Variants in NEK6 observed in about 807,000 individuals in gnomAD.
NEK6 encodes the protein NIMA related kinase 6, also known as serine/threonine-protein kinase Nek6.
NEK6 carries 27 observed loss-of-function variants against 43.5 expected under a neutral mutation model. That is an observed-to-expected ratio of 0.62 (90% CI 0.46 to 0.86). The LOEUF is 0.86. NEK6 is among the 40% of genes least tolerant of loss of function. The pLI is 0.00. For missense variants in NEK6, 318 were observed against 414.4 expected, an observed-to-expected ratio of 0.77 and a Z score of 2.02; for synonymous variants, 167 against 164.1, an observed-to-expected ratio of 1.02 and a Z score of -0.14.
At position 124,257,977 on chromosome 9, in the gene NEK6, G is replaced by GACGGGCGT; in HGVS notation, c.-137_-130dup. Reference sequence around the variant, plus strand: ...GTGGCGGCGGCGGCGGAACCGAGCTGACGGGCGTGCGGCCGCTGCGCCGCA... The same window carrying GACGGGCGT: ...GTGGCGGCGGCGGCGGAACCGAGCTGACGGGCGTACGGGCGTGCGGCCGCTGCGCCGCA... On this transcript the variant is annotated 5_prime_UTR_variant, in exon 1 of 10. Transcript: ENST00000320246. 1 of 978,986 alleles carries GACGGGCGT rather than the reference G, an allele frequency of 1.0e-6. No individual in the cohort carries two copies. The highest frequency in any genetic ancestry group is 1.2e-6 in the Non-Finnish European group (1 of 827,494). The allele number at this position is 978,986 out of a possible 1,614,324, so 60.6% of individuals were successfully genotyped here.
At position 124,298,170 on chromosome 9, in the gene NEK6, A is replaced by C. The variant is rs1409055703; in HGVS notation, c.-29-3766A>C. On this transcript the variant is annotated intron_variant, in intron 1 of 9. Coordinates refer to ENST00000320246, the MANE Select transcript of NEK6 (RefSeq NM_014397.6). ...ATAGCCCCGAGGGTGAATGGGAAAG[A>C]CCTGGCCCACAGGAACCCTCATCCC... Among the ~76,000 whole-genome samples the C allele has an allele frequency of 1.4e-4, 22 of 151,920 alleles. 1 individual carries two copies. Among genetic ancestry groups the C allele is most frequent in the Admixed American group, 1.4e-3 (22 of 15,258 alleles).
chr9:124,290,724 C>T (rs551577734), intron 1 of NEK6, among the ~76,000 whole-genome samples: 54 of 152,346 alleles, frequency 3.5e-4, no homozygotes, highest in African/African-American at 1.2e-3. Flanking sequence ...CTTGATCCCA[C>T]GGTGTCCTCT....
chr9:124,329,816 T>C (rs936440722), intron 7 of NEK6, among the ~76,000 whole-genome samples: 21 of 152,354 alleles, frequency 1.4e-4, no homozygotes, highest in Middle Eastern at 6.8e-3. Context: ...CAGCTAAGTC[T>C]TGCACACACG....
chr9:124,291,665 T>C (rs1832426523), intron 1 of NEK6, among the ~76,000 whole-genome samples: 2 of 152,214 alleles, frequency 1.3e-5, no homozygotes, highest in African/African-American at 4.8e-5. Flanking sequence ...AGAACAGTTA[T>C]GCTTTTCAGC....
intron 1 of NEK6, among the ~76,000 whole-genome samples, chr9:124,262,237 C>T (rs1831060535): frequency 1.3e-5 from 2 of 152,188 alleles, no homozygotes; most frequent in African/African-American, 4.8e-5. Context: ...GAAAAAAAAT[C>T]AGGCCAGCAC....
intron 1 of NEK6, chr9:124,261,335 A>T: frequency 1.1e-6 from 1 of 930,656 alleles, no homozygotes; most frequent in Non-Finnish European, 1.3e-6. Context: ...AAGTGTCAAA[A>T]CAATTGTCAA....
At chr9:124,321,308 C>G in intron 4 of NEK6, 151 bp from the exon 5 acceptor site, 2 of 597,858 alleles carry the variant, frequency 3.3e-6, no homozygotes, top group Non-Finnish European at 3.0e-6. Flanking sequence ...CCTGACTCCC[C>G]AGCACAGGCC....
intron 9 of NEK6, 26 bp downstream of exon 9, chr9:124,347,848 C>A: frequency 1.3e-6 from 2 of 1,501,430 alleles, no homozygotes; most frequent in Non-Finnish European, 1.8e-6. Flanking sequence ...CCGGAGGCCT[C>A]GCCAGCCCCA....
At chr9:124,308,122 C>T (rs2130834436) in intron 2 of NEK6, among the ~76,000 whole-genome samples, 1 of 152,338 alleles carries the variant, frequency 6.6e-6, no homozygotes, top group East Asian at 1.9e-4. Flanking sequence ...ATGATCTCCT[C>T]AGTTTCCAAA....
intron 2 of NEK6, among the ~76,000 whole-genome samples, chr9:124,310,053 G>A (rs1833452620): frequency 6.6e-6 from 1 of 152,202 alleles, no homozygotes; most frequent in Non-Finnish European, 1.5e-5. Context: ...GGCCGGTCAG[G>A]GGGTCTTGAG....
At position 124,305,989 on chromosome 9, in the gene NEK6, C is replaced by T. The variant is rs980697759; in HGVS notation, c.90+3935C>T. ...GAGCCCATTATGGGTTTTCAGGTGG[C>T]AAGGGGGTACTTGGGTTGGGTTCTA... On this transcript the variant is annotated intron_variant, in intron 2 of 9. Coordinates refer to ENST00000320246, the MANE Select transcript of NEK6 (RefSeq NM_014397.6). 4.6e-5 allele frequency among the ~76,000 whole-genome samples: 7 copies of T among 152,260 alleles called. 1 individual carries two copies. In the South Asian group the frequency reaches 1.2e-3, roughly 27 times the overall value.
Position 124,343,564 on chromosome 9 carries a change from G to C in NEK6, c.717+3899G>C, listed in dbSNP as rs1449992515. Reference sequence around the variant, plus strand: ...ACTCCTGCAGTCCCTAAAGGGGAAGGTGAAGCAGGCGTTTCCCCAGCAGAC... The same window carrying C: ...ACTCCTGCAGTCCCTAAAGGGGAAGCTGAAGCAGGCGTTTCCCCAGCAGAC... On this transcript the variant is annotated intron_variant, in intron 8 of 9. Transcript: ENST00000320246. The surrounding 1 kb of genome is among the most constrained non-coding windows in gnomAD (Gnocchi z 5.1). Among the ~76,000 whole-genome samples, 1 of 152,172 alleles carries C rather than the reference G, an allele frequency of 6.6e-6. No individual in the cohort carries two copies. The highest frequency in any genetic ancestry group is 2.4e-5 in the African/African-American group (1 of 41,436).
chr9:124,279,067 C>T (rs1362060251), intron 1 of NEK6, among the ~76,000 whole-genome samples: 1 of 151,846 alleles, frequency 6.6e-6, no homozygotes, highest in African/African-American at 2.4e-5. Context: ...TGGAGTGTCC[C>T]ATATTTCAAT....
chr9:124,272,106 G>A (rs73666843), intron 1 of NEK6, among the ~76,000 whole-genome samples: 4,222 of 152,260 alleles, frequency 0.028, 189 homozygotes, highest in African/African-American at 0.094. Flanking sequence ...TCAGTTCCAC[G>A]CCAGGCCCAG....
intron 1 of NEK6, among the ~76,000 whole-genome samples, chr9:124,290,550 G>A (rs371218357): frequency 2.6e-5 from 4 of 152,402 alleles, no homozygotes; most frequent in African/African-American, 7.2e-5. Flanking sequence ...CTGCAGATGG[G>A]GCACAGGGGT....
chr9:124,318,710 C>T (rs1176098499), intron 4 of NEK6, among the ~76,000 whole-genome samples: 1 of 152,072 alleles, frequency 6.6e-6, no homozygotes, highest in Non-Finnish European at 1.5e-5. Flanking sequence ...CTTGCTCAGC[C>T]ACCCAGGCTG....
Position 124,353,280 on chromosome 9 carries a change from C to G in NEK6, c.*2333C>G. 2 of 355,322 alleles carry G rather than the reference C, an allele frequency of 5.6e-6. No homozygotes were observed. The highest frequency in any genetic ancestry group is 1.0e-5 in the Non-Finnish European group (2 of 195,536). The allele number at this position is 355,322 out of a possible 1,614,324, so 22.0% of individuals were successfully genotyped here. ...AGGTATCGATGGTCACCTGAAGCCT[C>G]AAGGGAGTCCACTCTGACTTCTGAC... is the stretch of plus-strand genomic sequence containing the variant. On this transcript the variant is annotated 3_prime_UTR_variant, in exon 10 of 10. Transcript: ENST00000320246.
chr9:124,304,792 G>A (rs1464422590), intron 2 of NEK6, among the ~76,000 whole-genome samples: 1 of 152,160 alleles, frequency 6.6e-6, no homozygotes, highest in Non-Finnish European at 1.5e-5. Flanking sequence ...AAAAATATTT[G>A]CTGAAACCGG....
intron 5 of NEK6, among the ~76,000 whole-genome samples, chr9:124,322,844 C>G (rs1205454481): frequency 6.6e-6 from 1 of 152,242 alleles, no homozygotes; most frequent in African/African-American, 2.4e-5. Flanking sequence ...AAATTTGGGT[C>G]CTAGGAATAC....
Sources: allele counts gnomAD v4.1 joint callset (sites outside exome capture counted in the v4.1 genomes callset), GRCh38; gene constraint gnomAD v4.1.1; non-coding constraint Gnocchi (gnomAD v3.1); transcripts MANE v1.5; gene names NCBI Gene and HGNC (gene_info 2026-07-23, HGNC 2026-07-21).